ULK4: variants seen among roughly 807,000 people sequenced by gnomAD.
ULK4 encodes unc-51 like kinase 4, also known as inactive serine/threonine-protein kinase ULK4.
Under a neutral mutation model 160.6 loss-of-function variants are expected in ULK4, and 133 were observed. That is an observed-to-expected ratio of 0.83 (90% CI 0.72 to 0.96). The LOEUF (loss-of-function observed/expected upper bound fraction) is 0.96, where lower values mean the gene tolerates loss of function less well. Among genes scored for constraint, ULK4 ranks in the 40% least tolerant of loss-of-function variants. ULK4 has a pLI of 0.00. For synonymous variants in ULK4, 534 were observed against 539.8 expected, an observed-to-expected ratio of 0.99 and a Z score of 0.15; for missense variants, 1,580 against 1,499.5, an observed-to-expected ratio of 1.05 and a Z score of -0.89.
At chr3:41,832,363 C>T (rs2041621832) in intron 18 of ULK4, among the ~76,000 whole-genome samples, 1 of 152,056 alleles carries the variant, frequency 6.6e-6, no homozygotes, top group Non-Finnish European at 1.5e-5. Context: ...CTGTTCATAT[C>T]CTTTGCCCAC....
chr3:41,612,445 C>A (rs2032730502), intron 31 of ULK4, among the ~76,000 whole-genome samples: 1 of 152,196 alleles, frequency 6.6e-6, no homozygotes, highest in Non-Finnish European at 1.5e-5. Flanking sequence ...CCTACCTGAT[C>A]ATGTGTGTAC....
intron 18 of ULK4, among the ~76,000 whole-genome samples, chr3:41,828,351 G>C (rs1205390244): frequency 6.7e-6 from 1 of 150,072 alleles, no homozygotes; most frequent in Non-Finnish European, 1.5e-5. Flanking sequence ...AAAACAGGAA[G>C]TCAAATTGTC....
At chr3:41,900,633 T>A in intron 13 of ULK4, 92 bp downstream of exon 13, 1 of 1,037,850 alleles carries the variant, frequency 9.6e-7, no homozygotes, top group East Asian at 2.5e-5. Flanking sequence ...CAGGAAAGAT[T>A]ATACAGTAAA....
At chr3:41,540,535 T>C (rs2086660865) in intron 32 of ULK4, among the ~76,000 whole-genome samples, 1 of 152,232 alleles carries the variant, frequency 6.6e-6, no homozygotes, top group African/African-American at 2.4e-5. Context: ...TGATTTATAA[T>C]CCTTTGGGTA....
At chr3:41,480,495 C>T (rs527308724) in intron 32 of ULK4, among the ~76,000 whole-genome samples, 6 of 152,172 alleles carry the variant, frequency 3.9e-5, no homozygotes, top group Non-Finnish European at 8.8e-5. Flanking sequence ...TCTCCTCTTC[C>T]CTGTCCTCCT....
chr3:41,834,627 T>C (rs1439949627), intron 18 of ULK4, among the ~76,000 whole-genome samples: 1 of 152,244 alleles, frequency 6.6e-6, no homozygotes, highest in African/African-American at 2.4e-5. Context: ...AAAATACTCA[T>C]GTTTTATAAC....
At chr3:41,832,037 T>C (rs1020044479) in intron 18 of ULK4, among the ~76,000 whole-genome samples, 1 of 152,210 alleles carries the variant, frequency 6.6e-6, no homozygotes, top group Non-Finnish European at 1.5e-5. Flanking sequence ...TATAGTAGAA[T>C]GATCTATATT....
intron 35 of ULK4, among the ~76,000 whole-genome samples, chr3:41,332,700 T>A (rs937525033): frequency 2.6e-5 from 4 of 152,234 alleles, no homozygotes; most frequent in African/African-American, 9.6e-5. Flanking sequence ...AGGTTTGTTA[T>A]GTGAACATAT....
At chr3:41,742,286 G>A (rs1209618662) in intron 22 of ULK4, among the ~76,000 whole-genome samples, 1 of 151,936 alleles carries the variant, frequency 6.6e-6, no homozygotes, top group Non-Finnish European at 1.5e-5. Flanking sequence ...CCCCTGGAGG[G>A]GTAGTGTCTA....
At chr3:41,927,056 C>T (rs1201647222) in intron 5 of ULK4, among the ~76,000 whole-genome samples, 1 of 152,068 alleles carries the variant, frequency 6.6e-6, no homozygotes, top group Middle Eastern at 3.2e-3. Flanking sequence ...GTCAGATTCA[C>T]CAAGGTTAAA....
chr3:41,869,150 A>G lies in ULK4; in HGVS notation c.1656+14724T>C, dbSNP rs570987977. The stretch of plus-strand genomic sequence containing the variant: ...TATTTAGTAATTACTCTTGTTTTTC[A>G]GGGTTTTTTTTTTAACTGGATAGTC... On this transcript the variant is annotated intron_variant, in intron 17 of 36. Transcript: ENST00000301831. 14 of 151,948 alleles carry G rather than the reference A, an allele frequency of 9.2e-5. No individual in the cohort carries two copies. The East Asian group carries it at 1.2e-3, about 13-fold the overall frequency. 9.4% of individuals were successfully genotyped at this position (151,948 alleles called of 1,614,324 possible).
At chr3:41,446,643 C>T (rs868453398) in intron 34 of ULK4, among the ~76,000 whole-genome samples, 1 of 145,046 alleles carries the variant, frequency 6.9e-6, no homozygotes. Context: ...AAACAAACAC[C>T]GCAAGTTCTC....
chr3:41,780,628 G>C (rs1290643491), intron 21 of ULK4, among the ~76,000 whole-genome samples: 1 of 152,104 alleles, frequency 6.6e-6, no homozygotes, highest in Non-Finnish European at 1.5e-5. Context: ...CACTGGGTAG[G>C]TATGGGAGCC....
At chr3:41,370,896 T>G (rs757980534) in intron 35 of ULK4, among the ~76,000 whole-genome samples, 24 of 152,182 alleles carry the variant, frequency 1.6e-4, no homozygotes, top group Non-Finnish European at 3.1e-4. Context: ...ATCCACTGGC[T>G]TGAAATTCTT....
chr3:41,404,087 CA>C (rs965409341), intron 34 of ULK4, among the ~76,000 whole-genome samples: 5 of 152,090 alleles, frequency 3.3e-5, no homozygotes, highest in African/African-American at 1.2e-4. Flanking sequence ...TGCTCTCTAT[CA>C]ATTATATTCT....
intron 34 of ULK4, among the ~76,000 whole-genome samples, chr3:41,404,313 T>C (rs777504830): frequency 3.0e-4 from 45 of 151,748 alleles, no homozygotes; most frequent in Non-Finnish European, 6.0e-4. Context: ...TTTCAGTGGA[T>C]AGATCTTTTA....
chr3:41,367,029 C>T (rs1455471978), intron 35 of ULK4, among the ~76,000 whole-genome samples: 2 of 152,168 alleles, frequency 1.3e-5, no homozygotes, highest in South Asian at 2.1e-4. Context: ...TCGTATTTTA[C>T]GGAAATCTTT....
chr3:41,352,343 C>G (rs1391046254), intron 35 of ULK4, among the ~76,000 whole-genome samples: 1 of 152,188 alleles, frequency 6.6e-6, no homozygotes, highest in African/African-American at 2.4e-5. Context: ...CACGGCTTCC[C>G]CCTCCTTTAT....
At position 41,771,425 on chromosome 3, in the gene ULK4, A is replaced by G. The variant is rs571851112; in HGVS notation, c.2194-16937T>C. On this transcript the variant is annotated intron_variant, in intron 21 of 36. Transcript: ENST00000301831. The stretch of plus-strand genomic sequence containing the variant: ...GAACAAAAGGAACCGTAGAATTACA[A>G]ATGATGGCAAAACTCAGTAAATGTA... Among the ~76,000 whole-genome samples, 17 of 152,326 alleles carry G rather than the reference A, an allele frequency of 1.1e-4. No homozygotes were observed. In the South Asian group the frequency reaches 1.7e-3, roughly 15 times the overall value.
Sources: gnomAD v4.1 joint callset for allele counts (sites outside exome capture counted in the v4.1 genomes callset) on GRCh38, gnomAD v4.1.1 for gene constraint, MANE v1.5 for transcripts, NCBI Gene and HGNC (gene_info 2026-07-23, HGNC 2026-07-21) for gene names.